ZFR: variants seen among roughly 807,000 people sequenced by gnomAD.
ZFR encodes zinc finger RNA binding protein, also known as zinc finger RNA-binding protein.
In ZFR, 19 loss-of-function variants were observed where a neutral mutation model predicts 130.7. The observed-to-expected ratio is 0.15, with a 90% CI of 0.10 to 0.21. ZFR has a LOEUF of 0.21. ZFR is among the 10% of genes least tolerant of loss of function. The pLI is 1.00. For synonymous variants in ZFR, 466 were observed against 456.9 expected (o/e 1.02, Z -0.25); for missense variants, 872 against 1,321.5 (o/e 0.66, Z 5.27).
chr5:32,368,339 G>A (rs142377235), intron 17 of ZFR, among the ~76,000 whole-genome samples: 340 of 152,296 alleles, frequency 2.2e-3, no homozygotes, highest in African/African-American at 7.7e-3. Flanking sequence ...AGGTTCAAGC[G>A]GTTCTCTTGC....
At chr5:32,439,805 A>T (rs796658823) in intron 2 of ZFR, among the ~76,000 whole-genome samples, 587 of 27,410 alleles carry the variant, frequency 0.021, 5 homozygotes, top group African/African-American at 0.09. Context: ...CCATGTCTTT[A>T]AAAAAAAAAA....
chr5:32,394,906 T>C (rs1753266652), intron 11 of ZFR, among the ~76,000 whole-genome samples: 1 of 152,200 alleles, frequency 6.6e-6, no homozygotes, highest in African/African-American at 2.4e-5. Context: ...TATGAAACTA[T>C]TTCTTCATAT....
At chr5:32,405,633 A>G (rs1053583861) in intron 6 of ZFR, among the ~76,000 whole-genome samples, 1 of 152,214 alleles carries the variant, frequency 6.6e-6, no homozygotes, top group African/African-American at 2.4e-5. Context: ...CCCTCTGAAC[A>G]GTCAACATAG....
At chr5:32,403,793 T>G in intron 7 of ZFR, 113 bp downstream of exon 7, 1 of 923,936 alleles carries the variant, frequency 1.1e-6, no homozygotes. Flanking sequence ...AAGCAAGGCT[T>G]ATAATGCACT....
In ZFR at chr5:32,364,150, A is replaced by C. The variant is rs749786578; in HGVS notation, c.2947+14T>G. On this transcript the variant is annotated intron_variant, in intron 18 of 19. Transcript: ENST00000265069. ...AACTTCATTTTACTTCATTAAAAAC[A>C]AAGTAAGAGTTACCTTTAAGAATAA... 7.6e-5 allele frequency: 122 copies of C among 1,602,092 alleles called. No individual in the cohort carries two copies. The highest frequency in any genetic ancestry group is 5.4e-4 in the African/African-American group (40 of 74,542).
chr5:32,400,201 C>T lies in ZFR; in HGVS notation c.1519G>A (p.Gly507Ser), dbSNP rs771975408. 3.8e-6 allele frequency: 6 copies of T among 1,584,706 alleles called. No individual in the cohort carries two copies. In the South Asian group the frequency reaches 7.0e-5, roughly 19 times the overall value. ...TSTPKINFVG[G>S]NKLQSTGNKA... ...TTTCCTGTTGACTGCAGCTTATTACCACCTAGAAAAGTATCAAAAAGTTAA... is the reference window on the plus strand; with the variant it reads ...TTTCCTGTTGACTGCAGCTTATTACTACCTAGAAAAGTATCAAAAAGTTAA... Residue 507 changes from glycine (G) to serine (S), a missense_variant and splice_region_variant, in exon 9 of 20, where the codon GGT becomes AGT. Physicochemically the swap from Gly to Ser is moderately conservative, Grantham distance 56. This residue lies in a region of ZFR where 143 missense variants were observed against 137.9 expected (regional missense o/e 1.04). Transcript: ENST00000265069.
intron 2 of ZFR, among the ~76,000 whole-genome samples, chr5:32,430,982 G>T (rs1561923370): frequency 2.0e-5 from 3 of 152,168 alleles, no homozygotes; most frequent in African/African-American, 2.4e-5. Context: ...GGCTGAGGTG[G>T]GAGGACTGCT....
chr5:32,417,104 A>T (rs1211145563), intron 4 of ZFR, among the ~76,000 whole-genome samples: 1 of 37,472 alleles, frequency 2.7e-5, no homozygotes, highest in African/African-American at 8.8e-5. Context: ...TGTTTTAAAA[A>T]TTATCAAGTC....
Position 32,442,954 on chromosome 5 carries a change from C to T in ZFR, c.137+1275G>A, listed in dbSNP as rs1754505860. ...GGTGTGGTGGCTCATGCCGGTAATC[C>T]TAGCACTCTGGGAGGCCGAGGCAGG... On this transcript the variant is annotated intron_variant, in intron 2 of 19. Coordinates refer to ENST00000265069, the MANE Select transcript of ZFR (RefSeq NM_016107.5). Among the ~76,000 whole-genome samples the T allele has an allele frequency of 2.3e-5, 3 of 132,030 alleles. No individual in the cohort carries two copies. The Admixed American group carries it at 2.4e-4, about 11-fold the overall frequency. 86.6% of individuals were successfully genotyped at this position (132,030 alleles called of 152,430 possible). A position where few individuals can be genotyped will look rare whatever the true frequency, so the allele number is the denominator to read the frequency against.
At chr5:32,430,353 T>C (rs4296817) in intron 2 of ZFR, among the ~76,000 whole-genome samples, 41,309 of 151,938 alleles carry the variant, frequency 0.27, 6,519 homozygotes, top group Middle Eastern at 0.44. Context: ...CATAACTAAT[T>C]AAACATGGCT....
In ZFR at chr5:32,388,555, A is replaced by C. The variant is rs750756019; in HGVS notation, c.2262T>G (p.Ala754=). Residue 754 remains alanine (A), a synonymous_variant, in exon 13 of 20, where the codon GCT becomes GCG. Transcript: ENST00000265069. The stretch of plus-strand genomic sequence containing the variant: ...ACAAACTGTCTGAAACGAGTTTTAA[A>C]GCACGTTCAGTAATAGAAACAATTT... ...VQKIVSITER[A]LKLVSDSLSE... 4.3e-6 allele frequency: 7 copies of C among 1,614,056 alleles called. No individual in the cohort carries two copies. In the South Asian group the frequency reaches 7.7e-5, roughly 18 times the overall value.
intron 6 of ZFR, among the ~76,000 whole-genome samples, chr5:32,406,096 T>G (rs1400459542): frequency 6.6e-6 from 1 of 152,182 alleles, no homozygotes; most frequent in East Asian, 1.9e-4. Context: ...AGCATAATAA[T>G]AAGGCTGGGA....
intron 10 of ZFR, among the ~76,000 whole-genome samples, chr5:32,395,509 T>C (rs1753282846): frequency 6.6e-6 from 1 of 152,200 alleles, no homozygotes; most frequent in Non-Finnish European, 1.5e-5. Flanking sequence ...GTATGTAACT[T>C]AGTGCTGACC....
At chr5:32,395,118 G>A in intron 11 of ZFR, 41 bp downstream of exon 11, 3 of 1,529,190 alleles carry the variant, frequency 2.0e-6, no homozygotes, top group Non-Finnish European at 2.6e-6. Context: ...TTTAAGAAAG[G>A]CTGAACCACT....
At chr5:32,435,415 A>G (rs1206647713) in intron 2 of ZFR, among the ~76,000 whole-genome samples, 2 of 152,224 alleles carry the variant, frequency 1.3e-5, no homozygotes, top group African/African-American at 2.4e-5. Flanking sequence ...ATGTGGGTGA[A>G]ACATTACAGA....
At chr5:32,371,917 C>T (rs1313080840) in intron 17 of ZFR, among the ~76,000 whole-genome samples, 1 of 150,674 alleles carries the variant, frequency 6.6e-6, no homozygotes, top group Non-Finnish European at 1.5e-5. Context: ...CCCAAATGCT[C>T]TCTTGGTTCA....
chr5:32,440,142 G>C (rs1754436184), intron 2 of ZFR, among the ~76,000 whole-genome samples: 2 of 152,158 alleles, frequency 1.3e-5, no homozygotes, highest in South Asian at 2.1e-4. Context: ...ATTTATGTAA[G>C]TGCATTTCCT....
At chr5:32,414,386 T>G (rs1259935547) in intron 5 of ZFR, among the ~76,000 whole-genome samples, 2 of 152,194 alleles carry the variant, frequency 1.3e-5, no homozygotes, top group Non-Finnish European at 2.9e-5. Flanking sequence ...CAGCTAGAAA[T>G]TGGCAACAGC....
In ZFR at chr5:32,379,694, C is replaced by A. The variant is rs371165103; in HGVS notation, c.2739+381G>T. 1.6e-5 allele frequency: 3 copies of A among 191,180 alleles called. No individual in the cohort carries two copies. In the South Asian group the frequency reaches 3.2e-4, roughly 20 times the overall value. The allele number at this position is 191,180 out of a possible 1,614,324, so 11.8% of individuals were successfully genotyped here. A position where few individuals can be genotyped will look rare whatever the true frequency, so the allele number is the denominator to read the frequency against. ...CTTAGAGAAAGAGGGGGAAAAAAAT[C>A]TTAAAACTATACACAAAGCTTTAAA... On this transcript the variant is annotated intron_variant, in intron 16 of 19. Transcript: ENST00000265069.
Sources: allele counts gnomAD v4.1 joint callset (sites outside exome capture counted in the v4.1 genomes callset), GRCh38; gene constraint gnomAD v4.1.1; regional missense constraint gnomAD v4.1.1; transcripts MANE v1.5; gene names NCBI Gene and HGNC (gene_info 2026-07-23, HGNC 2026-07-21).